SEPTIN12: variants seen among roughly 807,000 people sequenced by gnomAD.
SEPTIN12 encodes the protein septin-12.
Under a neutral mutation model 37.7 loss-of-function variants are expected in SEPTIN12, and 42 were observed. That is an observed-to-expected ratio of 1.11 (90% CI 0.87 to 1.44). The LOEUF (loss-of-function observed/expected upper bound fraction) is 1.44. SEPTIN12 is among the 40% of genes most tolerant of loss of function. The pLI, the probability that SEPTIN12 is intolerant of heterozygous loss-of-function variation, is 0.00. For missense variants in SEPTIN12, 613 were observed against 479.2 expected, an observed-to-expected ratio of 1.28 and a Z score of -2.61; for synonymous variants, 254 against 196.7, an observed-to-expected ratio of 1.29 and a Z score of -2.44.
rs1310921766 is a variant in SEPTIN12, at chr16:4,787,422, G to C, written c.166+58C>G. The C allele has an allele frequency of 4.6e-6, 7 of 1,532,736 alleles. No homozygotes were observed. In the East Asian group the frequency reaches 1.1e-4, roughly 25 times the overall value. The allele number at this position is 1,532,736 out of a possible 1,614,324, so 94.9% of individuals were successfully genotyped here. On this transcript the variant is annotated intron_variant, in intron 2 of 9. Transcript: ENST00000268231. ...CAGGCTGCCAAAGGTGAGGCCACAC[G>C]CCCAGGCACGCGTAGCACTGTGGGT...
chr16:4,785,879 T>C lies in SEPTIN12; in HGVS notation c.302A>G (p.Glu101Gly). The C allele has an allele frequency of 1.3e-6, 2 of 1,570,400 alleles. No individual in the cohort carries two copies. Among genetic ancestry groups the C allele is most frequent in the Non-Finnish European group, 1.7e-6 (2 of 1,156,262 alleles). ...QLHSLTHVIE[E>G]KGVKLKLTVT... ...CGTCAGCTTCAGCTTCACACCCTTC[T>C]CCTCTATGACTGTGGAGGGAGAGCA... The change falls in exon 4 of 10, where the codon GAG becomes GGG. Residue 101 changes from glutamate to glycine, a missense_variant. Transcript: ENST00000268231.
rs377212669 is a variant in SEPTIN12 at position 4,785,848 on chromosome 16, C to G, written c.333G>C (p.Thr111=). The G allele has an allele frequency of 6.2e-7, 1 of 1,612,586 alleles. No homozygotes were observed. Among genetic ancestry groups the G allele is most frequent in the Non-Finnish European group, 8.5e-7 (1 of 1,179,700 alleles). The change falls in exon 4 of 10, where the codon ACG becomes ACC. Residue 111 remains threonine, a synonymous_variant. Transcript: ENST00000268231. Reference sequence around the variant, plus strand: ...TCTGGTCCCCGAAGCCGGGCGTGTCCGTCACCGTCAGCTTCAGCTTCACAC... The same window carrying G: ...TCTGGTCCCCGAAGCCGGGCGTGTCGGTCACCGTCAGCTTCAGCTTCACAC... ...EKGVKLKLTV[T]DTPGFGDQIN...
chr16:4,784,395 A>T (rs1448106020), intron 4 of SEPTIN12: 2 of 320,388 alleles, frequency 6.2e-6, no homozygotes, highest in Non-Finnish European at 1.2e-5. Context: ...TGATGGTTGC[A>T]GGGGTCTCCC....
At chr16:4,779,172 C>A (rs1236709626) in intron 8 of SEPTIN12, among the ~76,000 whole-genome samples, 2 of 152,068 alleles carry the variant, frequency 1.3e-5, no homozygotes, top group African/African-American at 2.4e-5. Flanking sequence ...AATAATACAT[C>A]AGGGGCTACA....
intron 4 of SEPTIN12, 86 bp from the exon 5 acceptor site, chr16:4,784,154 T>C: frequency 6.6e-7 from 1 of 1,526,154 alleles, no homozygotes. Flanking sequence ...TGGGCGGTCC[T>C]CCCTTGGGAC....
chr16:4,786,231 T>A, intron 2 of SEPTIN12, 126 bp from the exon 3 acceptor site: 1 of 1,234,420 alleles, frequency 8.1e-7, no homozygotes. Context: ...TGGAGTGCAA[T>A]GATGCAATCC....
At chr16:4,780,742 G>A (rs1023431073) in intron 7 of SEPTIN12, among the ~76,000 whole-genome samples, 3 of 152,194 alleles carry the variant, frequency 2.0e-5, no homozygotes, top group African/African-American at 7.2e-5. Context: ...ATTTTGGGAG[G>A]TGAAGGCAGG....
chr16:4,779,392 G>A (rs919574018), intron 8 of SEPTIN12, among the ~76,000 whole-genome samples: 6 of 152,204 alleles, frequency 3.9e-5, no homozygotes, highest in African/African-American at 9.6e-5. Flanking sequence ...CGTAATTTCC[G>A]GCCAGCCACT....
intron 7 of SEPTIN12, 46 bp from the exon 8 acceptor site, chr16:4,779,832 G>A: frequency 5.2e-6 from 7 of 1,357,394 alleles, no homozygotes; most frequent in Non-Finnish European, 7.4e-6. Context: ...ACTTCGCTGG[G>A]GAGAAGAGAA....
intron 1 of SEPTIN12, 158 bp from the exon 2 acceptor site, chr16:4,787,825 T>C (rs1365017623): frequency 3.4e-6 from 2 of 588,416 alleles, no homozygotes; most frequent in Non-Finnish European, 6.1e-6. Flanking sequence ...CCCAGGGGTG[T>C]GGCAAGGGTG....
chr16:4,788,540 C>G (rs1198393968), upstream of SEPTIN12: 1 of 152,216 alleles, frequency 6.6e-6, no homozygotes, highest in Non-Finnish European at 1.5e-5. Flanking sequence ...GTCAGCTGGG[C>G]TCCCACCTCC....
chr16:4,777,898 C>A lies in SEPTIN12; in HGVS notation c.976G>T (p.Gly326Cys), dbSNP rs200096858. 1.3e-6 allele frequency: 2 copies of A among 1,599,676 alleles called. No homozygotes were observed. Among genetic ancestry groups the A allele is most frequent in the Non-Finnish European group, 1.7e-6 (2 of 1,173,718 alleles). ...GAGGCCGGGGCCAGGTTCACCCAGC[C>A]GGGCCCGCGGGGCAGCAGGTGGCTT... ...NESHLLPRGP[G>C]WVNLAPASPG... is the part of the protein sequence containing the mutation. Residue 326 changes from glycine to cysteine, a missense_variant, in exon 10 of 10, where the codon GGC (glycine) becomes TGC (cysteine). By Grantham distance (159) the Gly-to-Cys change is radical (BLOSUM62 -3). Transcript: ENST00000268231.
intron 7 of SEPTIN12, among the ~76,000 whole-genome samples, chr16:4,781,290 A>G (rs1453498127): frequency 6.6e-6 from 1 of 151,914 alleles, no homozygotes; most frequent in Non-Finnish European, 1.5e-5. Flanking sequence ...CTCATAAAAA[A>G]AACAACATTA....
intron 7 of SEPTIN12, among the ~76,000 whole-genome samples, chr16:4,782,409 C>T (rs1035470941): frequency 5.3e-5 from 8 of 152,182 alleles, no homozygotes; most frequent in African/African-American, 1.9e-4. Context: ...CTGCTGTGAA[C>T]ATTCACGTAC....
At chr16:4,786,793 A>G (rs1044680717) in intron 2 of SEPTIN12, among the ~76,000 whole-genome samples, 1 of 151,994 alleles carries the variant, frequency 6.6e-6, no homozygotes, top group Non-Finnish European at 1.5e-5. Flanking sequence ...ATTCAGGTGC[A>G]TGTCACCATG....
chr16:4,785,891 G>C lies in SEPTIN12; in HGVS notation c.293-3C>G. 2 of 1,613,282 alleles carry C rather than the reference G, an allele frequency of 1.2e-6. No homozygotes were observed. On this transcript the variant is annotated splice_polypyrimidine_tract_variant and splice_region_variant and intron_variant, in intron 3 of 9. Coordinates refer to ENST00000268231, the MANE Select transcript of SEPTIN12 (RefSeq NM_144605.5). ...CTTCACACCCTTCTCCTCTATGACT[G>C]TGGAGGGAGAGCAGAGTCGGGAGAG...
Position 4,777,663 on chromosome 16 carries a change from A to C in SEPTIN12, c.*134T>G. 1 of 699,032 alleles carries C rather than the reference A, an allele frequency of 1.4e-6. No homozygotes were observed. Among genetic ancestry groups the C allele is most frequent in the Non-Finnish European group, 2.4e-6 (1 of 422,926 alleles). The allele number at this position is 699,032 out of a possible 1,614,324, so 43.3% of individuals were successfully genotyped here. Reference sequence around the variant, plus strand: ...GATAGCTCAAAGAAGTCATTTACAAAATGCCTTTTGTTTTCAAAGCACAGC... The same window carrying C: ...GATAGCTCAAAGAAGTCATTTACAACATGCCTTTTGTTTTCAAAGCACAGC... On this transcript the variant is annotated 3_prime_UTR_variant, in exon 10 of 10. Coordinates refer to ENST00000268231, the MANE Select transcript of SEPTIN12 (RefSeq NM_144605.5).
rs1007995378 is a variant in SEPTIN12 at position 4,777,702 on chromosome 16, C to T, written c.*95G>A. On this transcript the variant is annotated 3_prime_UTR_variant, in exon 10 of 10. Coordinates refer to ENST00000268231, the MANE Select transcript of SEPTIN12 (RefSeq NM_144605.5). ...TCAAAGCACAGCTTTTCATAAAAAG[C>T]AAGGCTCACATTTAATAGATGCTCT... 9 of 938,738 alleles carry T rather than the reference C, an allele frequency of 9.6e-6. No homozygotes were observed. The South Asian group carries it at 1.1e-4, about 12-fold the overall frequency. The allele number at this position is 938,738 out of a possible 1,614,324, so 58.2% of individuals were successfully genotyped here.
chr16:4,780,066 A>G (rs1000435659), intron 7 of SEPTIN12, among the ~76,000 whole-genome samples: 7 of 151,928 alleles, frequency 4.6e-5, no homozygotes, highest in Non-Finnish European at 1.0e-4. Flanking sequence ...ACATGGTGAA[A>G]GGCCATCTCT....
Sources: allele counts gnomAD v4.1 joint callset (sites outside exome capture counted in the v4.1 genomes callset), GRCh38; gene constraint gnomAD v4.1.1; transcripts MANE v1.5; gene names NCBI Gene and HGNC (gene_info 2026-07-23, HGNC 2026-07-21).